Variants in MKRN1 observed in about 807,000 individuals in gnomAD.
MKRN1 encodes E3 ubiquitin-protein ligase makorin-1.
A neutral mutation model predicts 55.5 loss-of-function variants in MKRN1; 9 were observed. That is an observed-to-expected ratio of 0.16 (90% confidence interval 0.10 to 0.28). The LOEUF is 0.28. Among genes scored for constraint, MKRN1 ranks in the 10% least tolerant of loss-of-function variants. MKRN1 has a pLI of 1.00. For synonymous variants in MKRN1, 253 were observed against 235.9 expected, an observed-to-expected ratio of 1.07 and a Z score of -0.66; for missense variants, 488 against 626.7, an observed-to-expected ratio of 0.78 and a Z score of 2.36.
intron 1 of MKRN1, among the ~76,000 whole-genome samples, chr7:140,473,483 G>A (rs1794995867): frequency 1.3e-5 from 2 of 152,098 alleles, no homozygotes; most frequent in African/African-American, 2.4e-5. Flanking sequence ...AGTATCTCTA[G>A]GCATCTTAAC....
In MKRN1 at chr7:140,459,371, T is replaced by C. The variant is rs553793568; in HGVS notation, c.545-138A>G. The C allele has an allele frequency of 3.1e-5, 28 of 893,624 alleles. No individual in the cohort carries two copies. The African/African-American group carries it at 4.0e-4, about 13-fold the overall frequency. The allele number at this position is 893,624 out of a possible 1,614,324, so 55.4% of individuals were successfully genotyped here. ...CAGTCTACTGAACTAACTTCTTCAC[T>C]TGAAAGAAAGGAATTTTTTCTACCG... On this transcript the variant is annotated intron_variant, in intron 3 of 7. Coordinates refer to ENST00000255977, the MANE Select transcript of MKRN1 (RefSeq NM_013446.4).
chr7:140,464,284 A>C (rs765170748), intron 2 of MKRN1, among the ~76,000 whole-genome samples: 52 of 152,150 alleles, frequency 3.4e-4, no homozygotes, highest in Non-Finnish European at 6.6e-4. Context: ...CCAGCCTATA[A>C]TTCCAGCTAG....
At chr7:140,454,974 A>G (rs1794425379) in intron 7 of MKRN1, 121 bp downstream of exon 7, 1 of 1,379,888 alleles carries the variant, frequency 7.2e-7, no homozygotes, top group African/African-American at 1.5e-5. Context: ...TCCTCCTTTA[A>G]TACTCTACAC....
chr7:140,479,170 C>A lies in MKRN1; in HGVS notation c.175G>T (p.Val59Phe). ...DGSGGGWTKQ[V>F]TCRYFMHGVC... ...CGCGCAACGTCCTACCTGCAGGTGA[C>A]CTGTTTAGTCCAGCCGCCGCCGCTG... Residue 59 changes from valine (V) to phenylalanine (F), a missense_variant, in exon 1 of 8, where the codon GTC (valine) becomes TTC (phenylalanine). By Grantham distance (50) the Val-to-Phe change is conservative. Transcript: ENST00000255977. The A allele has an allele frequency of 2.8e-6, 4 of 1,443,288 alleles. No homozygotes were observed. Among genetic ancestry groups the A allele is most frequent in the Non-Finnish European group, 3.6e-6 (4 of 1,100,058 alleles). 89.4% of individuals were successfully genotyped at this position (1,443,288 alleles called of 1,614,324 possible).
intron 2 of MKRN1, among the ~76,000 whole-genome samples, chr7:140,464,755 CA>C (rs199775052): frequency 0.06 from 8,610 of 144,236 alleles, 732 homozygotes; most frequent in African/African-American, 0.19. Context: ...AGATAATTTC[CA>C]AAAAAAAAAA....
At chr7:140,476,547 T>G (rs1303560533) in intron 1 of MKRN1, among the ~76,000 whole-genome samples, 3 of 87,800 alleles carry the variant, frequency 3.4e-5, no homozygotes, top group African/African-American at 2.5e-4. Context: ...CAAGTTTTGT[T>G]TTTTTTTTTT....
intron 2 of MKRN1, among the ~76,000 whole-genome samples, chr7:140,462,557 A>C (rs893489555): frequency 1.3e-5 from 2 of 152,164 alleles, no homozygotes; most frequent in African/African-American, 4.8e-5. Flanking sequence ...TGTTATTATT[A>C]CCTCAAACAT....
intron 2 of MKRN1, 47 bp from the exon 3 acceptor site, chr7:140,459,983 A>C (rs1794572469): frequency 5.9e-6 from 9 of 1,521,308 alleles, no homozygotes; most frequent in South Asian, 1.1e-5. Flanking sequence ...GTGGTGGCTC[A>C]AGCCTGTAAT....
Position 140,453,809 on chromosome 7 carries a change from T to C in MKRN1, c.*708A>G, listed in dbSNP as rs1462054565. 1 of 155,530 alleles carries C rather than the reference T, an allele frequency of 6.4e-6. No individual in the cohort carries two copies. Among genetic ancestry groups the C allele is most frequent in the African/African-American group, 2.4e-5 (1 of 41,466 alleles). 9.6% of individuals were successfully genotyped at this position (155,530 alleles called of 1,614,324 possible). On this transcript the variant is annotated 3_prime_UTR_variant, in exon 8 of 8. Transcript: ENST00000255977. ...ATCACACACCCACACACTCACACCA[T>C]GTCAGCCCTTGGGAGCCAACTTCCA...
chr7:140,454,844 G>C, intron 7 of MKRN1, 115 bp from the exon 8 acceptor site: 2 of 1,178,698 alleles, frequency 1.7e-6, no homozygotes, highest in Non-Finnish European at 2.4e-6. Context: ...AGACTTCTTA[G>C]TTAGGGTTTC....
intron 1 of MKRN1, chr7:140,474,349 AC>A: frequency 4.4e-6 from 1 of 227,710 alleles, no homozygotes; most frequent in South Asian, 4.0e-5. Flanking sequence ...TACAAAAAAA[AC>A]AAACAATTAG....
intron 2 of MKRN1, among the ~76,000 whole-genome samples, chr7:140,469,244 T>A (rs1455229377): frequency 2.0e-5 from 3 of 151,236 alleles, no homozygotes; most frequent in Non-Finnish European, 2.9e-5. Flanking sequence ...GAGAATGGCG[T>A]GAACCCGGGA....
At chr7:140,462,028 C>T (rs1430226257) in intron 2 of MKRN1, among the ~76,000 whole-genome samples, 1 of 152,136 alleles carries the variant, frequency 6.6e-6, no homozygotes, top group Non-Finnish European at 1.5e-5. Flanking sequence ...TAGCATTTTA[C>T]ACTAAGAAAT....
intron 4 of MKRN1, 92 bp downstream of exon 4, chr7:140,458,915 C>A: frequency 7.4e-7 from 1 of 1,346,328 alleles, no homozygotes; most frequent in Non-Finnish European, 1.0e-6. Context: ...TTCAATTCAT[C>A]AAATGTTTCT....
At chr7:140,459,991 A>G (rs1794572695) in intron 2 of MKRN1, 55 bp from the exon 3 acceptor site, 1 of 1,473,204 alleles carries the variant, frequency 6.8e-7, no homozygotes, top group Admixed American at 1.7e-5. Context: ...TCAAGCCTGT[A>G]ATCCCAACAG....
chr7:140,455,278 G>T, intron 6 of MKRN1, 45 bp from the exon 7 acceptor site: 1 of 1,610,586 alleles, frequency 6.2e-7, no homozygotes, highest in Non-Finnish European at 8.5e-7. Context: ...TGGATTTCAG[G>T]TCTGTATTTG....
intron 1 of MKRN1, among the ~76,000 whole-genome samples, chr7:140,474,683 G>A (rs1022503833): frequency 6.6e-6 from 1 of 151,332 alleles, no homozygotes; most frequent in Non-Finnish European, 1.5e-5. Context: ...GGACGTCACA[G>A]CACTCAGATA....
intron 2 of MKRN1, among the ~76,000 whole-genome samples, chr7:140,464,624 G>C (rs1563091572): frequency 6.6e-6 from 1 of 151,952 alleles, no homozygotes; most frequent in African/African-American, 2.4e-5. Flanking sequence ...AGAATCGCTT[G>C]AACCTGGGAG....
In MKRN1 at chr7:140,479,142, C is replaced by A. The variant is rs934691793; in HGVS notation, c.185+18G>T. On this transcript the variant is annotated intron_variant, in intron 1 of 7. Transcript: ENST00000255977. ...GGCCCCCTCCCCGCGCCCGGCGCTC[C>A]GCCGCGCAACGTCCTACCTGCAGGT... is the stretch of plus-strand genomic sequence containing the variant. The A allele has an allele frequency of 2.0e-5, 27 of 1,320,860 alleles. No homozygotes were observed. In the African/African-American group the frequency reaches 4.0e-4, roughly 20 times the overall value. 81.8% of individuals were successfully genotyped at this position (1,320,860 alleles called of 1,614,324 possible). A position where few individuals can be genotyped will look rare whatever the true frequency, so the allele number is the denominator to read the frequency against.
Sources: gnomAD v4.1 joint callset for allele counts (sites outside exome capture counted in the v4.1 genomes callset) on GRCh38, gnomAD v4.1.1 for gene constraint, MANE v1.5 for transcripts, NCBI Gene and HGNC (gene_info 2026-07-23, HGNC 2026-07-21) for gene names.